LINGO2: variants seen among roughly 807,000 people sequenced by gnomAD.
The protein encoded by LINGO2 is leucine-rich repeat and immunoglobulin-like domain-containing nogo receptor-interacting protein 2.
In LINGO2, 14 loss-of-function variants were observed where a neutral mutation model predicts 30.6. That is an observed-to-expected ratio of 0.46 (90% CI 0.30 to 0.72). LINGO2 has a LOEUF of 0.72. Ranked by LOEUF, LINGO2 falls within the 30% of genes least tolerant of loss-of-function variation. LINGO2 has a pLI of 0.07. For missense variants in LINGO2, 729 were observed against 751.7 expected (o/e 0.97, Z 0.35); for synonymous variants, 317 against 288.5 (o/e 1.10, Z -1.00).
intron 3 of LINGO2, among the ~76,000 whole-genome samples, chr9:28,301,379 A>T (rs1824137094): frequency 6.6e-6 from 1 of 151,928 alleles, no homozygotes; most frequent in South Asian, 2.1e-4. Context: ...AAAAAAAACA[A>T]AAAAAACAGA....
At chr9:28,070,181 A>G (rs1825432548) in intron 4 of LINGO2, among the ~76,000 whole-genome samples, 1 of 152,176 alleles carries the variant, frequency 6.6e-6, no homozygotes, top group Non-Finnish European at 1.5e-5. Flanking sequence ...TCTACCAGCC[A>G]TGTTATAAGC....
intron 3 of LINGO2, among the ~76,000 whole-genome samples, chr9:28,344,467 A>G (rs1308260768): frequency 6.6e-6 from 1 of 152,166 alleles, no homozygotes; most frequent in Non-Finnish European, 1.5e-5. Context: ...CATGTTTGTG[A>G]AAATAAGTAA....
chr9:28,463,615 C>A (rs1452886048), intron 2 of LINGO2, among the ~76,000 whole-genome samples: 1 of 152,038 alleles, frequency 6.6e-6, no homozygotes, highest in Non-Finnish European at 1.5e-5. Context: ...AAATCATGGA[C>A]ATTTACTTGA....
intron 4 of LINGO2, among the ~76,000 whole-genome samples, chr9:28,048,749 A>G (rs921950719): frequency 6.6e-6 from 1 of 150,920 alleles, no homozygotes; most frequent in African/African-American, 2.4e-5. Context: ...AATTCAACCT[A>G]GAAAAATATG....
chr9:28,244,285 AACAG>A (rs1430146295), intron 4 of LINGO2, among the ~76,000 whole-genome samples: 3 of 152,234 alleles, frequency 2.0e-5, no homozygotes, highest in African/African-American at 4.8e-5. Flanking sequence ...AATGAGAACA[AACAG>A]ACAATGTACC....
chr9:28,144,308 A>G (rs1204074892), intron 4 of LINGO2, among the ~76,000 whole-genome samples: 2 of 152,170 alleles, frequency 1.3e-5, no homozygotes. Context: ...CTATTACAGT[A>G]TTTCTCAAAC....
At chr9:29,061,928 G>T in the LINGO2 span, among the ~76,000 whole-genome samples, 1 of 151,962 alleles carries the variant, frequency 6.6e-6, no homozygotes, top group African/African-American at 2.4e-5. Context: ...TCACATATCT[G>T]ATAGGAGATC....
intron 1 of LINGO2, among the ~76,000 whole-genome samples, chr9:28,585,237 TG>T (rs2135675322): frequency 6.6e-6 from 1 of 152,194 alleles, no homozygotes; most frequent in South Asian, 2.1e-4. Flanking sequence ...CTGTTTTAAC[TG>T]GGCATCTTGT....
At chr9:28,300,906 G>C (rs73645638) in intron 3 of LINGO2, among the ~76,000 whole-genome samples, 6 of 150,906 alleles carry the variant, frequency 4.0e-5, no homozygotes, top group Admixed American at 1.3e-4. Flanking sequence ...GCTTTGAGTA[G>C]AAAATAATTC....
At chr9:29,180,070 C>G in the LINGO2 span, among the ~76,000 whole-genome samples, 32 of 152,132 alleles carry the variant, frequency 2.1e-4, 1 homozygote, top group Admixed American at 1.5e-3. Flanking sequence ...AGGAAGGCAG[C>G]AGTAAAGAAC....
intron 1 of LINGO2, among the ~76,000 whole-genome samples, chr9:28,522,674 A>G (rs1010123378): frequency 2.0e-5 from 3 of 152,244 alleles, no homozygotes; most frequent in African/African-American, 7.2e-5. Flanking sequence ...GATAAGAATA[A>G]GTAATGTGGG....
At chr9:28,761,621 A>T in the LINGO2 span, among the ~76,000 whole-genome samples, 1 of 152,050 alleles carries the variant, frequency 6.6e-6, no homozygotes. Context: ...TATGATCAAA[A>T]TAAAATAAGA....
At chr9:28,291,593 A>G (rs1823731944) in intron 4 of LINGO2, among the ~76,000 whole-genome samples, 1 of 152,228 alleles carries the variant, frequency 6.6e-6, no homozygotes, top group Non-Finnish European at 1.5e-5. Context: ...TACAAATTTT[A>G]TAGGCTTAAC....
chr9:28,807,938 G>T, the LINGO2 span, among the ~76,000 whole-genome samples: 1 of 152,010 alleles, frequency 6.6e-6, no homozygotes, highest in Non-Finnish European at 1.5e-5. Context: ...ATAAGAGCAA[G>T]ATAAACGCAG....
At chr9:28,608,443 T>C (rs1825781842) in intron 1 of LINGO2, among the ~76,000 whole-genome samples, 1 of 152,038 alleles carries the variant, frequency 6.6e-6, no homozygotes, top group African/African-American at 2.4e-5. Flanking sequence ...AAAACTGTTT[T>C]CTAAAATATT....
intron 4 of LINGO2, among the ~76,000 whole-genome samples, chr9:28,150,103 G>T (rs1185899455): frequency 1.3e-4 from 19 of 150,322 alleles, no homozygotes; most frequent in Admixed American, 1.3e-3. Flanking sequence ...GAGTGCTTCT[G>T]CCCAGCCACC....
At chr9:29,127,183 G>T in the LINGO2 span, among the ~76,000 whole-genome samples, 2 of 152,094 alleles carry the variant, frequency 1.3e-5, no homozygotes, top group Non-Finnish European at 2.9e-5. Flanking sequence ...ATGCTCTTCA[G>T]CCACTTGCTC....
At chr9:28,155,078 A>C (rs1828096982) in intron 4 of LINGO2, among the ~76,000 whole-genome samples, 1 of 152,228 alleles carries the variant, frequency 6.6e-6, no homozygotes, top group Admixed American at 6.5e-5. Context: ...TTCTGAGAGC[A>C]TTAAGACTCA....
intron 2 of LINGO2, among the ~76,000 whole-genome samples, chr9:28,413,463 C>T (rs16912921): frequency 1.3e-5 from 2 of 151,844 alleles, no homozygotes; most frequent in African/African-American, 4.8e-5. Context: ...AAGTGATATG[C>T]GAACTCTATA....
Sources: gnomAD v4.1 joint callset for allele counts (sites outside exome capture counted in the v4.1 genomes callset) on GRCh38, gnomAD v4.1.1 for gene constraint, MANE v1.5 for transcripts, NCBI Gene and HGNC (gene_info 2026-07-23, HGNC 2026-07-21) for gene names.